Variants in NPLOC4 observed in about 807,000 individuals in gnomAD.
NPLOC4 encodes NPL4 homolog, ubiquitin recognition factor.
NPLOC4 carries 18 observed loss-of-function variants against 80.6 expected under a neutral mutation model. The observed-to-expected ratio is 0.22, with a 90% CI of 0.15 to 0.33. The LOEUF (loss-of-function observed/expected upper bound fraction) is 0.33. Ranked by LOEUF, NPLOC4 falls within the 10% of genes least tolerant of loss-of-function variation. The pLI, the probability that NPLOC4 is intolerant of heterozygous loss-of-function variation, is 1.00. For synonymous variants in NPLOC4, 313 were observed against 301.5 expected, an observed-to-expected ratio of 1.04 and a Z score of -0.39; for missense variants, 540 against 786.1, an observed-to-expected ratio of 0.69 and a Z score of 3.74.
Position 81,581,034 on chromosome 17 carries a change from AAGG to A in NPLOC4, c.1281+7907_1281+7909del, listed in dbSNP as rs542129184. On this transcript the variant is annotated intron_variant, in intron 12 of 16. Coordinates refer to ENST00000331134, the MANE Select transcript of NPLOC4 (RefSeq NM_017921.4). ...CCGTCAGACTATTTCCTCATGGCTGAAGGAGAAGAAAATAGAGATTTTAAAACA... is the reference window on the plus strand; with the variant it reads ...CCGTCAGACTATTTCCTCATGGCTGAAGAAGAAAATAGAGATTTTAAAACA... Among the ~76,000 whole-genome samples the A allele has an allele frequency of 9.3e-4, 141 of 152,290 alleles. 1 individual carries two copies. The highest frequency in any genetic ancestry group is 3.4e-3 in the Middle Eastern group (1 of 294).
At chr17:81,616,828 T>C (rs758643845) in intron 3 of NPLOC4, among the ~76,000 whole-genome samples, 2 of 151,898 alleles carry the variant, frequency 1.3e-5, no homozygotes, top group Non-Finnish European at 2.9e-5. Context: ...ACACAGAAAT[T>C]ATGAGACCGA....
At chr17:81,608,897 C>T in intron 5 of NPLOC4, 75 bp from the exon 6 acceptor site, 4 of 1,160,146 alleles carry the variant, frequency 3.4e-6, no homozygotes, top group East Asian at 5.2e-5. Context: ...CTGCTACGCA[C>T]AGGGGGAGGC....
intron 13 of NPLOC4, among the ~76,000 whole-genome samples, chr17:81,570,225 C>T (rs944912903): frequency 1.3e-5 from 2 of 152,222 alleles, no homozygotes; most frequent in Admixed American, 6.5e-5. Context: ...TGCCACGTGT[C>T]GGCTACATGG....
chr17:81,611,452 C>A (rs1329981774), intron 4 of NPLOC4, among the ~76,000 whole-genome samples: 1 of 151,494 alleles, frequency 6.6e-6, no homozygotes, highest in Non-Finnish European at 1.5e-5. Flanking sequence ...TCGTTTCAAG[C>A]GATTCTCCTG....
chr17:81,585,480 G>A (rs2034554799), intron 12 of NPLOC4, among the ~76,000 whole-genome samples: 3 of 151,898 alleles, frequency 2.0e-5, no homozygotes. Flanking sequence ...TGGCCAACAT[G>A]GTGAAATCCA....
At chr17:81,585,051 T>G (rs1317031219) in intron 12 of NPLOC4, among the ~76,000 whole-genome samples, 2 of 151,290 alleles carry the variant, frequency 1.3e-5, no homozygotes, top group East Asian at 1.9e-4. Context: ...GCGCCTGTAG[T>G]CCTGGCTACT....
intron 16 of NPLOC4, chr17:81,564,424 C>T (rs2033947745): frequency 6.5e-6 from 1 of 152,772 alleles, no homozygotes; most frequent in Admixed American, 6.5e-5. Context: ...TGTGCAACTG[C>T]ACTCCAGCCT....
Position 81,559,170 on chromosome 17 carries a change from G to A in NPLOC4, c.*89C>T, listed in dbSNP as rs1033576731. On this transcript the variant is annotated 3_prime_UTR_variant, in exon 17 of 17. Transcript: ENST00000331134. ...TGTTCCTCCAGGGCTGCCCACTATG[G>A]GGCAGTTACAGGGAACACACTCAGC... is the stretch of plus-strand genomic sequence containing the variant. The A allele has an allele frequency of 2.8e-5, 39 of 1,406,084 alleles. No individual in the cohort carries two copies. The highest frequency in any genetic ancestry group is 9.8e-5 in the Admixed American group (4 of 40,936). The allele number at this position is 1,406,084 out of a possible 1,614,324, so 87.1% of individuals were successfully genotyped here. A position where few individuals can be genotyped will look rare whatever the true frequency, so the allele number is the denominator to read the frequency against.
rs34386430 is a variant in NPLOC4, at chr17:81,634,589, CTTTTT to C, written c.15+2322_15+2326del. ...TAGGCAAAGTCACCAATGATTAACACTTTTTTTTTTTTTTTTGAGACAGTCTTGCT... is the reference window on the plus strand; with the variant it reads ...TAGGCAAAGTCACCAATGATTAACACTTTTTTTTTTTGAGACAGTCTTGCT... On this transcript the variant is annotated intron_variant, in intron 1 of 16. Coordinates refer to ENST00000331134, the MANE Select transcript of NPLOC4 (RefSeq NM_017921.4). 6.3e-5 allele frequency among the ~76,000 whole-genome samples: 9 copies of C among 141,874 alleles called. No homozygotes were observed. The East Asian group carries it at 1.9e-3, about 30-fold the overall frequency. The allele number at this position is 141,874 out of a possible 152,430, so 93.1% of individuals were successfully genotyped here.
At chr17:81,596,078 G>A (rs773454121) in intron 11 of NPLOC4, 38 bp downstream of exon 11, 1 of 1,576,208 alleles carries the variant, frequency 6.3e-7, no homozygotes, top group Non-Finnish European at 8.7e-7. Flanking sequence ...ATATTAACGA[G>A]GTGGTAATAT....
chr17:81,582,354 G>A (rs1169689461), intron 12 of NPLOC4, among the ~76,000 whole-genome samples: 1 of 152,256 alleles, frequency 6.6e-6, no homozygotes, highest in African/African-American at 2.4e-5. Flanking sequence ...TTCACCTTCA[G>A]TGGGAAGCAG....
chr17:81,608,685 A>T lies in NPLOC4; in HGVS notation c.530+43T>A, dbSNP rs576799072. ...TATAAGCAACAACTGCCAGCTACAC[A>T]AAAAGGAATTTACGCACAACCAGGT... On this transcript the variant is annotated intron_variant, in intron 6 of 16. Transcript: ENST00000331134. 6 of 1,458,030 alleles carry T rather than the reference A, an allele frequency of 4.1e-6. No homozygotes were observed. The East Asian group carries it at 1.5e-4, about 36-fold the overall frequency. The allele number at this position is 1,458,030 out of a possible 1,614,324, so 90.3% of individuals were successfully genotyped here.
intron 2 of NPLOC4, among the ~76,000 whole-genome samples, chr17:81,624,409 A>ACT (rs2144309629): frequency 6.6e-6 from 1 of 152,040 alleles, no homozygotes; most frequent in Non-Finnish European, 1.5e-5. Context: ...CAAGAGTGAA[A>ACT]CTCCGTCTCA....
intron 3 of NPLOC4, among the ~76,000 whole-genome samples, chr17:81,619,306 G>A (rs1175130248): frequency 1.3e-5 from 2 of 152,094 alleles, no homozygotes; most frequent in African/African-American, 2.4e-5. Flanking sequence ...GAACCCGGGA[G>A]GTGGAGCTTG....
At chr17:81,629,867 G>C in intron 1 of NPLOC4, 62 bp from the exon 2 acceptor site, 1 of 1,224,106 alleles carries the variant, frequency 8.2e-7, no homozygotes, top group South Asian at 1.2e-5. Context: ...CTAATACTAC[G>C]GCTTCCATCT....
chr17:81,617,353 G>C (rs764366138), intron 3 of NPLOC4, among the ~76,000 whole-genome samples: 1 of 152,152 alleles, frequency 6.6e-6, no homozygotes, highest in African/African-American at 2.4e-5. Context: ...GTTCACAACA[G>C]TGTGGACAAA....
intron 4 of NPLOC4, 122 bp from the exon 5 acceptor site, chr17:81,610,380 C>A: frequency 1.3e-6 from 1 of 770,152 alleles, no homozygotes; most frequent in South Asian, 1.6e-5. Flanking sequence ...AGTTATATTC[C>A]AGATGGCACA....
Position 81,559,689 on chromosome 17 carries a change from G to GT in NPLOC4, c.1670-274dup, listed in dbSNP as rs1339031400. 2.7e-5 allele frequency among the ~76,000 whole-genome samples: 4 copies of GT among 150,156 alleles called. No individual in the cohort carries two copies. In the East Asian group the frequency reaches 5.9e-4, roughly 22 times the overall value. ...GAGGGTGCTTCTCCTTGTGAATAAC[G>GT]TAACTCCCCGGGGGATGTGCATTTG... On this transcript the variant is annotated intron_variant, in intron 16 of 16. Coordinates refer to ENST00000331134, the MANE Select transcript of NPLOC4 (RefSeq NM_017921.4).
At chr17:81,579,304 G>A (rs903324219) in intron 12 of NPLOC4, among the ~76,000 whole-genome samples, 1 of 152,198 alleles carries the variant, frequency 6.6e-6, no homozygotes, top group Non-Finnish European at 1.5e-5. Context: ...CTTGAACCAG[G>A]GAGGCGGAGA....
Sources: gnomAD v4.1 joint callset for allele counts (sites outside exome capture counted in the v4.1 genomes callset) on GRCh38, gnomAD v4.1.1 for gene constraint, MANE v1.5 for transcripts, NCBI Gene and HGNC (gene_info 2026-07-23, HGNC 2026-07-21) for gene names.